The following DNHD1 variants were observed in gnomAD, a reference collection of about 807,000 sequenced individuals.
DNHD1 encodes the protein dynein heavy chain domain 1.
In DNHD1, 383 loss-of-function variants were observed where a neutral mutation model predicts 458.1. That is an observed-to-expected ratio of 0.84 (90% CI 0.77 to 0.91). DNHD1 has a LOEUF of 0.91. Ranked by LOEUF, DNHD1 falls within the 40% of genes least tolerant of loss-of-function variation. DNHD1 has a pLI of 0.00. For missense variants in DNHD1, 5,336 were observed against 5,866.1 expected (o/e 0.91, Z 2.95); for synonymous variants, 2,203 against 2,376.9 (o/e 0.93, Z 2.13).
Position 6,568,123 on chromosome 11 carries a change from G to C in DNHD1, c.12419G>C (p.Ser4140Thr), listed in dbSNP as rs1461015772. 6.4e-7 allele frequency: 1 copy of C among 1,567,138 alleles called. No homozygotes were observed. Among genetic ancestry groups the C allele is most frequent in the South Asian group, 1.2e-5 (1 of 85,252 alleles). The part of the protein sequence containing the change: ...EAWDPVSVVV[S>T]TLSQAMYEGH... ...TGGGACCCAGTCTCAGTTGTGGTCA[G>C]CACTCTATCCCAGGCTATGTATGAG... The change falls in exon 37 of 43, where the codon AGC becomes ACC. Residue 4140 changes from serine (S) to threonine (T), a missense_variant. By Grantham distance (58) the Ser-to-Thr change is moderately conservative (BLOSUM62 1). Transcript: ENST00000254579.
rs767880360 is a variant in DNHD1, at chr11:6,571,051, A to G, written c.13539A>G (p.Ala4513=). Residue 4513 remains alanine (A), a synonymous_variant, in exon 42 of 43, where the codon GCA becomes GCG. Transcript: ENST00000254579. The surrounding 1 kb of genome is among the most constrained non-coding windows in gnomAD (Gnocchi z 5.0). The part of the protein sequence containing the change: ...LDCLLQQLKG[A]PPCPSRRCAA... ...GCCTGTTGCAGCAGCTGAAGGGCGC[A>G]CCCCCGTGCCCCTCCCGCCGCTGTG... 1.3e-6 allele frequency: 2 copies of G among 1,556,562 alleles called. No individual in the cohort carries two copies. Among genetic ancestry groups the G allele is most frequent in the African/African-American group, 1.4e-5 (1 of 73,854 alleles).
chr11:6,544,789 CAG>C lies in DNHD1; in HGVS notation c.3853-1_3853del, dbSNP rs1289819387. ...CTCACTTTTATCCTCTCCCTCACCACAGAACTCTCGTTTCAAGGTCATGGATG... is the reference window on the plus strand; with the variant it reads ...CTCACTTTTATCCTCTCCCTCACCACAACTCTCGTTTCAAGGTCATGGATG... On this transcript the variant is annotated splice_acceptor_variant, in intron 20 of 42. Coordinates refer to ENST00000254579, the MANE Select transcript of DNHD1 (RefSeq NM_144666.3). 3.2e-6 allele frequency: 5 copies of C among 1,549,832 alleles called. No homozygotes were observed. In the Admixed American group the frequency reaches 5.9e-5, roughly 18 times the overall value.
chr11:6,523,195 A>G (rs944019757), intron 10 of DNHD1, among the ~76,000 whole-genome samples: 1 of 152,216 alleles, frequency 6.6e-6, no homozygotes, highest in African/African-American at 2.4e-5. Flanking sequence ...TTTTAATTAT[A>G]TAATCTCTTG....
chr11:6,515,876 C>G (rs949738893), intron 7 of DNHD1, among the ~76,000 whole-genome samples: 1 of 150,278 alleles, frequency 6.7e-6, no homozygotes, highest in African/African-American at 2.5e-5. Flanking sequence ...CCTCCACCCC[C>G]TTGGGCTCAA....
At chr11:6,528,494 CG>C in intron 10 of DNHD1, 27 bp from the exon 11 acceptor site, 1 of 1,535,048 alleles carries the variant, frequency 6.5e-7, no homozygotes, top group Non-Finnish European at 8.8e-7. Flanking sequence ...AGGGTACTCA[CG>C]GACAATTATG....
intron 24 of DNHD1, among the ~76,000 whole-genome samples, chr11:6,554,960 A>T (rs956710097): frequency 2.6e-5 from 4 of 152,222 alleles, no homozygotes; most frequent in African/African-American, 9.6e-5. Context: ...GAACATTCAT[A>T]GCAGCATTGT....
chr11:6,536,800 T>C (rs367711911), intron 14 of DNHD1, among the ~76,000 whole-genome samples: 8 of 152,264 alleles, frequency 5.3e-5, no homozygotes, highest in African/African-American at 1.9e-4. Context: ...ATATCTCTGC[T>C]CTTTCTTACA....
chr11:6,567,558 C>A lies in DNHD1; in HGVS notation c.12049C>A (p.Leu4017Met). The change falls in exon 36 of 43, where the codon CTG (leucine) becomes ATG (methionine). Residue 4017 changes from leucine (L) to methionine (M), a missense_variant. Physicochemically the swap from Leu to Met is conservative, Grantham distance 15. Coordinates refer to ENST00000254579, the MANE Select transcript of DNHD1 (RefSeq NM_144666.3). ...AGHSSAWQAY[L>M]SLSSTVLGPA... ...CCACTCCAGTGCTTGGCAGGCTTAC[C>A]TGTCACTGTCATCCACAGTGCTGGG... 1 of 1,613,000 alleles carries A rather than the reference C, an allele frequency of 6.2e-7. No homozygotes were observed. Among genetic ancestry groups the A allele is most frequent in the Non-Finnish European group, 8.5e-7 (1 of 1,179,458 alleles).
chr11:6,502,700 A>G (rs1417465124), intron 3 of DNHD1, 53 bp from the exon 4 acceptor site: 4 of 1,503,568 alleles, frequency 2.7e-6, no homozygotes, highest in African/African-American at 1.4e-5. Context: ...CCTCCCTCTA[A>G]GGTACTTGAC....
chr11:6,567,875 T>C lies in DNHD1; in HGVS notation c.12351+15T>C, dbSNP rs755560020. On this transcript the variant is annotated intron_variant, in intron 36 of 42. Coordinates refer to ENST00000254579, the MANE Select transcript of DNHD1 (RefSeq NM_144666.3). ...AGTATCAGCAGGTTTGAACCTAGTTTCTTGGCCACAGAGTGACCAGGCTCC... is the reference window on the plus strand; with the variant it reads ...AGTATCAGCAGGTTTGAACCTAGTTCCTTGGCCACAGAGTGACCAGGCTCC... 10 of 1,600,736 alleles carry C rather than the reference T, an allele frequency of 6.2e-6. No individual in the cohort carries two copies. Among genetic ancestry groups the C allele is most frequent in the Non-Finnish European group, 4.3e-6 (5 of 1,174,368 alleles).
chr11:6,557,637 T>C lies in DNHD1; in HGVS notation c.8342T>C (p.Leu2781Pro). The change falls in exon 25 of 43, where the codon CTC (leucine) becomes CCC (proline). Residue 2781 changes from leucine to proline, a missense_variant. This residue lies in a region of DNHD1 where 3,932 missense variants were observed against 4,365.6 expected (regional missense o/e 0.90). Coordinates refer to ENST00000254579, the MANE Select transcript of DNHD1 (RefSeq NM_144666.3). ...GGCACAAGGGCATCCAACTATAGGC[T>C]CCAGGTAAGGAGATCATTCAAGACT... is the stretch of plus-strand genomic sequence containing the variant. ...EKGTRASNYR[L>P]QVRRSFKTWW... is the part of the protein sequence containing the mutation. 1.3e-6 allele frequency: 2 copies of C among 1,551,624 alleles called. No individual in the cohort carries two copies. Among genetic ancestry groups the C allele is most frequent in the Non-Finnish European group, 1.7e-6 (2 of 1,146,976 alleles).
chr11:6,533,068 G>A lies in DNHD1; in HGVS notation c.2389G>A (p.Val797Met), dbSNP rs769138518. ...CATAAGGAAGGACATTCTTGCACAC[G>A]TGCAAAATGAGTGCTGGAACCTCAG... ...NSIRKDILAH[V>M]QNECWNLSQQ... The change falls in exon 13 of 43, where the codon GTG becomes ATG. Residue 797 changes from valine (V) to methionine (M), a missense_variant. By Grantham distance (21) the Val-to-Met change is conservative. This residue lies in a region of DNHD1 where 3,932 missense variants were observed against 4,365.6 expected (regional missense o/e 0.90). Coordinates refer to ENST00000254579, the MANE Select transcript of DNHD1 (RefSeq NM_144666.3). 1.9e-5 allele frequency: 29 copies of A among 1,551,460 alleles called. No homozygotes were observed. In the African/African-American group the frequency reaches 2.1e-4, roughly 11 times the overall value.
Position 6,541,894 on chromosome 11 carries a change from C to T in DNHD1, c.3628+1811C>T, listed in dbSNP as rs139559076. Among the ~76,000 whole-genome samples, 558 of 152,260 alleles carry T rather than the reference C, an allele frequency of 3.7e-3. 3 individuals are homozygous for T. The highest frequency in any genetic ancestry group is 5.4e-3 in the Admixed American group (83 of 15,298). Reference sequence around the variant, plus strand: ...ATGGGGAAAGGAAAGTGGGTGCACTCAAGCTAGGCAGAAGTCAGCTAGGCA... The same window carrying T: ...ATGGGGAAAGGAAAGTGGGTGCACTTAAGCTAGGCAGAAGTCAGCTAGGCA... On this transcript the variant is annotated intron_variant, in intron 18 of 42. Coordinates refer to ENST00000254579, the MANE Select transcript of DNHD1 (RefSeq NM_144666.3).
intron 4 of DNHD1, among the ~76,000 whole-genome samples, chr11:6,507,767 C>T (rs941772322): frequency 6.6e-6 from 1 of 152,200 alleles, no homozygotes; most frequent in Non-Finnish European, 1.5e-5. Context: ...ATCCTGTATT[C>T]TTCCCTTAAC....
At position 6,562,957 on chromosome 11, in the gene DNHD1, G is replaced by A. The variant is rs780477999; in HGVS notation, c.9520-25G>A. On this transcript the variant is annotated intron_variant, in intron 28 of 42. Transcript: ENST00000254579. The stretch of plus-strand genomic sequence containing the variant: ...CCCGCGTGGCCCAAGATCTGGAGCT[G>A]CAGGGCCTGGATCTGTCTCTGCAGA... 4 of 1,546,782 alleles carry A rather than the reference G, an allele frequency of 2.6e-6. No homozygotes were observed. In the South Asian group the frequency reaches 4.8e-5, roughly 18 times the overall value.
chr11:6,506,650 C>T (rs1237682342), intron 4 of DNHD1, among the ~76,000 whole-genome samples: 1 of 151,944 alleles, frequency 6.6e-6, no homozygotes. Flanking sequence ...ATTCCTTCAC[C>T]TCCTTTATTC....
chr11:6,545,731 G>C lies in DNHD1; in HGVS notation c.4792G>C (p.Asp1598His). ...LEQHQVSDLT[D>H]FHWVRQLKYH... is the part of the protein sequence containing the mutation. The stretch of plus-strand genomic sequence containing the variant: ...ACAGCACCAGGTCAGTGATCTCACA[G>C]ACTTTCACTGGGTCCGCCAACTCAA... The change falls in exon 21 of 43, where the codon GAC becomes CAC. Residue 1598 changes from aspartate to histidine, a missense_variant. Transcript: ENST00000254579. The surrounding 1 kb of genome is among the most constrained non-coding windows in gnomAD (Gnocchi z 4.9). 6.4e-7 allele frequency: 1 copy of C among 1,551,680 alleles called. No individual in the cohort carries two copies. Among genetic ancestry groups the C allele is most frequent in the East Asian group, 2.4e-5 (1 of 40,916 alleles).
Position 6,558,151 on chromosome 11 carries a change from T to G in DNHD1, c.8856T>G (p.Thr2952=). The G allele has an allele frequency of 6.5e-7, 1 of 1,550,298 alleles. No individual in the cohort carries two copies. Among genetic ancestry groups the G allele is most frequent in the Non-Finnish European group, 8.7e-7 (1 of 1,146,506 alleles). Reference sequence around the variant, plus strand: ...TGGTACCCAGTGGTGTGGATCTCACTACACTTCATCGCCTCCTGGCCCTGG... The same window carrying G: ...TGGTACCCAGTGGTGTGGATCTCACGACACTTCATCGCCTCCTGGCCCTGG... The part of the protein sequence containing the change: ...ALLVPSGVDL[T]TLHRLLALAT... The change falls in exon 25 of 43, where the codon ACT becomes ACG. Residue 2952 remains threonine, a synonymous_variant. Transcript: ENST00000254579.
Position 6,548,199 on chromosome 11 carries a change from C to T in DNHD1, c.6906-11C>T, listed in dbSNP as rs1316664092. ...TGTCTGACGCTTTTGCCTGTGTGTC[C>T]ATCTGAGCAGGTTCTGGCCCATCTT... is the stretch of plus-strand genomic sequence containing the variant. On this transcript the variant is annotated splice_polypyrimidine_tract_variant and intron_variant, in intron 22 of 42. Coordinates refer to ENST00000254579, the MANE Select transcript of DNHD1 (RefSeq NM_144666.3). This position sits in a 1 kb window ranked among gnomAD's most constrained non-coding sequence, Gnocchi z 4.4. 1 of 1,551,068 alleles carries T rather than the reference C, an allele frequency of 6.4e-7. No homozygotes were observed. The highest frequency in any genetic ancestry group is 2.0e-5 in the Admixed American group (1 of 50,986).
Sources: allele counts gnomAD v4.1 joint callset (sites outside exome capture counted in the v4.1 genomes callset), GRCh38; gene constraint gnomAD v4.1.1; regional missense constraint gnomAD v4.1.1; non-coding constraint Gnocchi (gnomAD v3.1); transcripts MANE v1.5; gene names NCBI Gene and HGNC (gene_info 2026-07-23, HGNC 2026-07-21).